The following AACS variants were observed in gnomAD, a reference collection of about 807,000 sequenced individuals.
AACS encodes acetoacetate-CoA ligase.
Under a neutral mutation model 83.1 loss-of-function variants are expected in AACS, and 69 were observed. The observed-to-expected ratio is 0.83, with a 90% confidence interval of 0.68 to 1.01. AACS has a LOEUF of 1.01. Among genes scored for constraint, AACS ranks in the 50% least tolerant of loss-of-function variants. The pLI, the probability that AACS is intolerant of heterozygous loss-of-function variation, is 0.00. For synonymous variants in AACS, 333 were observed against 343.4 expected, an observed-to-expected ratio of 0.97 and a Z score of 0.33; for missense variants, 866 against 882.2, an observed-to-expected ratio of 0.98 and a Z score of 0.23.
intron 16 of AACS, 39 bp downstream of exon 16, chr12:125,134,891 G>A: frequency 6.2e-7 from 1 of 1,612,966 alleles, no homozygotes; most frequent in Non-Finnish European, 8.5e-7. Context: ...CCAGTCTCCA[G>A]GAAGGAGGAG....
intron 4 of AACS, among the ~76,000 whole-genome samples, chr12:125,088,773 G>C (rs1316605040): frequency 6.6e-6 from 1 of 152,228 alleles, no homozygotes; most frequent in Non-Finnish European, 1.5e-5. Flanking sequence ...TCTTTGAGGA[G>C]ACGCCTGGCC....
chr12:125,099,686 TTTG>T (rs978275470), intron 5 of AACS, among the ~76,000 whole-genome samples: 1 of 152,122 alleles, frequency 6.6e-6, no homozygotes, highest in Non-Finnish European at 1.5e-5. Flanking sequence ...GGTTTCCTTT[TTTG>T]TTTGTTTGTT....
intron 7 of AACS, chr12:125,105,369 G>A (rs1956811417): frequency 6.6e-6 from 1 of 152,212 alleles, no homozygotes; most frequent in Admixed American, 6.5e-5. Flanking sequence ...TTCACAGGCA[G>A]GCCCGGGTGC....
intron 9 of AACS, chr12:125,118,382 A>G (rs1957093904): frequency 2.2e-6 from 1 of 457,044 alleles, no homozygotes; most frequent in South Asian, 2.1e-5. Flanking sequence ...TAACACCTAC[A>G]TTGCTTTGTC....
chr12:125,067,759 C>T (rs529138284), intron 1 of AACS, among the ~76,000 whole-genome samples: 1 of 152,276 alleles, frequency 6.6e-6, no homozygotes, highest in Admixed American at 6.5e-5. Context: ...GTCTAGAACT[C>T]CTGACCTCAG....
At chr12:125,124,296 A>AAAT (rs919548084) in intron 10 of AACS, 10 of 165,900 alleles carry the variant, frequency 6.0e-5, no homozygotes, top group South Asian at 3.2e-4. Context: ...ACCCTGTCTA[A>AAAT]AATAATAATA....
At chr12:125,116,293 G>A (rs544526203) in intron 9 of AACS, among the ~76,000 whole-genome samples, 6 of 152,226 alleles carry the variant, frequency 3.9e-5, no homozygotes, top group African/African-American at 1.4e-4. Flanking sequence ...TTTAAAATGG[G>A]AGGGTCTTGT....
chr12:125,080,779 C>T (rs916805102), intron 3 of AACS, among the ~76,000 whole-genome samples: 2 of 151,794 alleles, frequency 1.3e-5, no homozygotes, highest in African/African-American at 4.8e-5. Context: ...GCAAGCTCCT[C>T]CTCCCGGGTT....
At chr12:125,082,007 C>A (rs1956200267) in intron 3 of AACS, among the ~76,000 whole-genome samples, 1 of 151,880 alleles carries the variant, frequency 6.6e-6, no homozygotes, top group South Asian at 2.1e-4. Flanking sequence ...TCCCAAGTAG[C>A]TGGGATTACA....
intron 8 of AACS, among the ~76,000 whole-genome samples, chr12:125,109,020 A>G (rs929974471): frequency 7.9e-5 from 12 of 151,850 alleles, no homozygotes; most frequent in African/African-American, 2.2e-4. Context: ...TTTGAAAAAA[A>G]TAAAATACCT....
chr12:125,124,934 A>G lies in AACS; in HGVS notation c.1219A>G (p.Ile407Val). ...CCACAGTCTCCAGATGCTCCACACGATCCTGTCCACTGGCTCCCCACTGAA... is the reference window on the plus strand; with the variant it reads ...CCACAGTCTCCAGATGCTCCACACGGTCCTGTCCACTGGCTCCCCACTGAA... ...ETHSLQMLHT[I>V]LSTGSPLKAQ... is the part of the protein sequence containing the mutation. The change falls in exon 12 of 18, where the codon ATC (isoleucine) becomes GTC (valine). Residue 407 changes from isoleucine to valine, a missense_variant. Transcript: ENST00000316519. The G allele has an allele frequency of 1.2e-6, 2 of 1,614,164 alleles. No individual in the cohort carries two copies. Among genetic ancestry groups the G allele is most frequent in the South Asian group, 1.1e-5 (1 of 91,080 alleles).
At chr12:125,107,060 G>A in intron 7 of AACS, 61 bp from the exon 8 acceptor site, 3 of 1,606,700 alleles carry the variant, frequency 1.9e-6, no homozygotes, top group East Asian at 2.2e-5. Context: ...GGTGGAATCA[G>A]TGGGTCCGGT....
chr12:125,098,671 T>G (rs1956661910), intron 5 of AACS, among the ~76,000 whole-genome samples: 1 of 152,188 alleles, frequency 6.6e-6, no homozygotes, highest in South Asian at 2.1e-4. Flanking sequence ...AGGCTGGTCT[T>G]GAACTCCTGA....
At chr12:125,135,390 C>T (rs1186279168) in intron 16 of AACS, among the ~76,000 whole-genome samples, 2 of 152,292 alleles carry the variant, frequency 1.3e-5, no homozygotes, top group Non-Finnish European at 2.9e-5. Flanking sequence ...CCACCACGCC[C>T]GGCCAACTTG....
Position 125,094,615 on chromosome 12 carries a change from C to T in AACS, c.570+3092C>T, listed in dbSNP as rs775605332. On this transcript the variant is annotated intron_variant, in intron 5 of 17. Coordinates refer to ENST00000316519, the MANE Select transcript of AACS (RefSeq NM_023928.5). The surrounding 1 kb of genome is among the most constrained non-coding windows in gnomAD (Gnocchi z 4.1). ...ACTGGGGGAACGCGTTTCTGGCCTC[C>T]GTCACTCCCCTGTGCTTTACTTCTA... Among the ~76,000 whole-genome samples the T allele has an allele frequency of 3.3e-5, 5 of 152,132 alleles. No individual in the cohort carries two copies. Among genetic ancestry groups the T allele is most frequent in the African/African-American group, 9.7e-5 (4 of 41,414 alleles).
rs554848941 is a variant in AACS, at chr12:125,111,057, CAG to C, written c.916-3419_916-3418del. Among the ~76,000 whole-genome samples the C allele has an allele frequency of 2.8e-3, 414 of 150,528 alleles. 2 individuals carry two copies. Among genetic ancestry groups the C allele is most frequent in the Middle Eastern group, 0.01 (3 of 292 alleles). On this transcript the variant is annotated intron_variant, in intron 8 of 17. Transcript: ENST00000316519. The stretch of plus-strand genomic sequence containing the variant: ...AGGGGTGGGAGCGAGGGGCTGAGGT[CAG>C]GGGTGGGGGGCAAAGGCCTTATTTC...
At chr12:125,083,896 C>G (rs746647638) in intron 3 of AACS, among the ~76,000 whole-genome samples, 20 of 152,088 alleles carry the variant, frequency 1.3e-4, no homozygotes, top group Non-Finnish European at 2.9e-4. Flanking sequence ...TCAGGTGATT[C>G]ACCTGCCTCA....
At chr12:125,135,360 G>T (rs1457796224) in intron 16 of AACS, among the ~76,000 whole-genome samples, 1 of 152,166 alleles carries the variant, frequency 6.6e-6, no homozygotes, top group Non-Finnish European at 1.5e-5. Flanking sequence ...CTCCCAAAGT[G>T]CTGGGATTAC....
chr12:125,139,541 G>A (rs1957450018), intron 17 of AACS: 1 of 152,370 alleles, frequency 6.6e-6, no homozygotes, highest in Non-Finnish European at 1.5e-5. Flanking sequence ...AGGGTGCCCA[G>A]AACGCAGTCC....
Sources: allele counts gnomAD v4.1 joint callset (sites outside exome capture counted in the v4.1 genomes callset), GRCh38; gene constraint gnomAD v4.1.1; non-coding constraint Gnocchi (gnomAD v3.1); transcripts MANE v1.5; gene names NCBI Gene and HGNC (gene_info 2026-07-23, HGNC 2026-07-21).